BCO1: variants seen among roughly 807,000 people sequenced by gnomAD.
The protein encoded by BCO1 is beta-carotene oxygenase 1.
BCO1 carries 54 observed loss-of-function variants against 56.3 expected under a neutral mutation model. That is an observed-to-expected ratio of 0.96 (90% confidence interval 0.77 to 1.20). The LOEUF (loss-of-function observed/expected upper bound fraction) is 1.20. Ranked by LOEUF, BCO1 falls within the 50% of genes most tolerant of loss-of-function variation. BCO1 has a pLI of 0.00. For missense variants in BCO1, 801 were observed against 690.9 expected (o/e 1.16, Z -1.79); for synonymous variants, 318 against 266.1 (o/e 1.20, Z -1.90).
intron 2 of BCO1, among the ~76,000 whole-genome samples, chr16:81,255,510 A>AT (rs1567702257): frequency 1.4e-5 from 2 of 147,318 alleles, no homozygotes; most frequent in Admixed American, 1.3e-4. Flanking sequence ...TTTATTTTTT[A>AT]TTTTTTTGAG....
chr16:81,288,752 G>T (rs918118975), intron 10 of BCO1, among the ~76,000 whole-genome samples: 1 of 152,196 alleles, frequency 6.6e-6, no homozygotes, highest in Non-Finnish European at 1.5e-5. Flanking sequence ...GCTAAGGAGG[G>T]TAACTAGAAC....
intron 2 of BCO1, among the ~76,000 whole-genome samples, chr16:81,259,085 C>T (rs1421029530): frequency 6.6e-6 from 1 of 152,176 alleles, no homozygotes; most frequent in Non-Finnish European, 1.5e-5. Flanking sequence ...CCTAGGCCCA[C>T]CTGCAACATC....
At chr16:81,273,229 C>A (rs565511244) in intron 7 of BCO1, among the ~76,000 whole-genome samples, 1 of 152,134 alleles carries the variant, frequency 6.6e-6, no homozygotes, top group African/African-American at 2.4e-5. Context: ...GTTATCCACC[C>A]ACCTCGGCCT....
Position 81,259,676 on chromosome 16 carries a change from G to T in BCO1, c.194G>T (p.Gly65Val). The T allele has an allele frequency of 6.2e-7, 1 of 1,614,168 alleles. No individual in the cohort carries two copies. The highest frequency in any genetic ancestry group is 8.5e-7 in the Non-Finnish European group (1 of 1,180,020). ...ALLHSFTIRD[G>V]EVYYRSKYLR... ...GATTATGCTGGTTCTTCTCTTGCAG[G>T]TGAAGTCTATTACAGGAGCAAATAC... The change falls in exon 3 of 11, where the codon GGT becomes GTT. Residue 65 changes from glycine (G) to valine (V), a missense_variant and splice_region_variant. By Grantham distance (109) the Gly-to-Val change is moderately radical. Transcript: ENST00000258168.
intron 3 of BCO1, among the ~76,000 whole-genome samples, chr16:81,260,800 C>T (rs750050075): frequency 1.8e-4 from 28 of 152,310 alleles, no homozygotes; most frequent in Non-Finnish European, 2.8e-4. Context: ...TGAGCCACTG[C>T]GCCTGGCCAC....
chr16:81,285,084 C>T (rs1003055721), intron 8 of BCO1, among the ~76,000 whole-genome samples: 1 of 152,092 alleles, frequency 6.6e-6, no homozygotes, highest in Non-Finnish European at 1.5e-5. Flanking sequence ...AAGTGATCTG[C>T]CCGCCTCGGC....
Position 81,290,598 on chromosome 16 carries a change from G to T in BCO1, c.*21G>T. 1 of 1,590,858 alleles carries T rather than the reference G, an allele frequency of 6.3e-7. No homozygotes were observed. The highest frequency in any genetic ancestry group is 8.6e-7 in the Non-Finnish European group (1 of 1,162,814). ...CCTGATGGTGTTGGGGTTTGGGTAGGGGAGGGGAGCTCGGCTGTCAGAACT... is the reference window on the plus strand; with the variant it reads ...CCTGATGGTGTTGGGGTTTGGGTAGTGGAGGGGAGCTCGGCTGTCAGAACT... On this transcript the variant is annotated 3_prime_UTR_variant, in exon 11 of 11. Coordinates refer to ENST00000258168, the MANE Select transcript of BCO1 (RefSeq NM_017429.3).
rs78466938 is a variant in BCO1, at chr16:81,244,706, G to A, written c.65-769G>A. 2.7e-3 allele frequency among the ~76,000 whole-genome samples: 400 copies of A among 147,418 alleles called. 3 individuals carry two copies. The highest frequency in any genetic ancestry group is 9.7e-3 in the African/African-American group (386 of 39,612). The stretch of plus-strand genomic sequence containing the variant: ...AAGAACCTTTTTCTACGTCTGTAGC[G>A]TTGCCCCTATCTTTTTTTTTTTTTT... On this transcript the variant is annotated intron_variant, in intron 1 of 10. Coordinates refer to ENST00000258168, the MANE Select transcript of BCO1 (RefSeq NM_017429.3).
Position 81,287,403 on chromosome 16 carries a change from G to T in BCO1, c.1411G>T (p.Asp471Tyr), listed in dbSNP as rs1597377580. The T allele has an allele frequency of 6.2e-7, 1 of 1,613,098 alleles. No homozygotes were observed. The highest frequency in any genetic ancestry group is 8.5e-7 in the Non-Finnish European group (1 of 1,179,336). The change falls in exon 10 of 11, where the codon GAC becomes TAC. Residue 471 changes from aspartate (D) to tyrosine (Y), a missense_variant. By Grantham distance (160) the Asp-to-Tyr change is radical (BLOSUM62 -3). Coordinates refer to ENST00000258168, the MANE Select transcript of BCO1 (RefSeq NM_017429.3). Reference protein sequence around the residue: ...VPAPGAKDEDDGVILSAIVST... With the variant: ...VPAPGAKDEDYGVILSAIVST... ...CGCGCCAGGTGCCAAGGATGAGGAT[G>T]ACGGTAAGACTCTAAGAAGCCACGC...
chr16:81,279,762 A>G (rs1201435236), intron 7 of BCO1, among the ~76,000 whole-genome samples: 1 of 152,216 alleles, frequency 6.6e-6, no homozygotes, highest in African/African-American at 2.4e-5. Context: ...TGACAGTAAG[A>G]TACTGAACAC....
intron 7 of BCO1, among the ~76,000 whole-genome samples, chr16:81,273,322 G>GCTATTCT: frequency 6.6e-6 from 1 of 152,086 alleles, no homozygotes; most frequent in Middle Eastern, 3.2e-3. Flanking sequence ...GAGGAACTCT[G>GCTATTCT]CTATTCTCCC....
chr16:81,268,326 C>T (rs141210690), intron 6 of BCO1, among the ~76,000 whole-genome samples, 195 bp downstream of exon 6: 1,547 of 152,284 alleles, frequency 0.01, 13 homozygotes, highest in Middle Eastern at 0.034. Flanking sequence ...TGTACCCCCA[C>T]GGTGATGAGT....
At chr16:81,263,245 G>A (rs1431114767) in intron 4 of BCO1, 1 of 151,996 alleles carries the variant, frequency 6.6e-6, no homozygotes, top group Admixed American at 6.6e-5. Flanking sequence ...TGAGTAGCTG[G>A]GACTACAGGC....
chr16:81,248,405 C>CAAAAAAAAAAAAAAAAAAAAAAA (rs372084002), intron 2 of BCO1, among the ~76,000 whole-genome samples: 20 of 102,790 alleles, frequency 1.9e-4, no homozygotes, highest in African/African-American at 7.6e-4. Flanking sequence ...CTCCCTCTCA[C>CAAAAAAAAAAAAAAAAAAAAAAA]AAAAAAAAAA....
chr16:81,277,118 C>T (rs571301564), intron 7 of BCO1, among the ~76,000 whole-genome samples: 1 of 146,620 alleles, frequency 6.8e-6, no homozygotes, highest in African/African-American at 2.5e-5. Flanking sequence ...TAAATCGCAA[C>T]ATATGGCTAG....
chr16:81,261,984 C>T (rs887294509), intron 3 of BCO1, 152 bp from the exon 4 acceptor site: 3 of 853,990 alleles, frequency 3.5e-6, no homozygotes, highest in Admixed American at 1.8e-5. Flanking sequence ...CCTCGTGATC[C>T]ACCTGCCTCG....
intron 1 of BCO1, among the ~76,000 whole-genome samples, chr16:81,241,990 C>G (rs531898757): frequency 1.3e-5 from 2 of 152,064 alleles, no homozygotes; most frequent in African/African-American, 4.8e-5. Flanking sequence ...GTTGCTGCAA[C>G]GATTAAGTGG....
In BCO1 at chr16:81,285,530, T is replaced by C. The variant is rs753796192; in HGVS notation, c.1208-10T>C. On this transcript the variant is annotated splice_polypyrimidine_tract_variant and intron_variant, in intron 8 of 10. Transcript: ENST00000258168. ...ATAGGGGCTTCATCCACCTCCTCAT[T>C]TCCTTGTAGGCTTAGAGCTTCCACG... The C allele has an allele frequency of 6.2e-7, 1 of 1,600,980 alleles. No individual in the cohort carries two copies. The highest frequency in any genetic ancestry group is 8.6e-7 in the Non-Finnish European group (1 of 1,168,054).
rs1907846436 is a variant in BCO1, at chr16:81,280,950, T to A, written c.1195T>A (p.Phe399Ile). Reference sequence around the variant, plus strand: ...TGGCCAAGTCTACTGCCAGCCGGAATTTCTTTATGAAGGTAAAATGCATCC... The same window carrying A: ...TGGCCAAGTCTACTGCCAGCCGGAAATTCTTTATGAAGGTAAAATGCATCC... The part of the protein sequence containing the change: ...EDGQVYCQPE[F>I]LYEGLELPRV... The change falls in exon 8 of 11, where the codon TTT becomes ATT. Residue 399 changes from phenylalanine (F) to isoleucine (I), a missense_variant. Phe to Ile is a conservative substitution (Grantham distance 21, BLOSUM62 0). Coordinates refer to ENST00000258168, the MANE Select transcript of BCO1 (RefSeq NM_017429.3). 1 of 1,613,680 alleles carries A rather than the reference T, an allele frequency of 6.2e-7. No individual in the cohort carries two copies. The highest frequency in any genetic ancestry group is 8.5e-7 in the Non-Finnish European group (1 of 1,179,580).
Sources: allele counts gnomAD v4.1 joint callset (sites outside exome capture counted in the v4.1 genomes callset), GRCh38; gene constraint gnomAD v4.1.1; transcripts MANE v1.5; gene names NCBI Gene and HGNC (gene_info 2026-07-23, HGNC 2026-07-21).